Variants in CELF1 observed in about 807,000 individuals in gnomAD.
The protein encoded by CELF1 is 50 kDa nuclear polyadenylated RNA-binding protein.
In CELF1, 10 loss-of-function variants were observed where a neutral mutation model predicts 61.8. The ratio of observed to expected loss-of-function variants is 0.16; its 90% CI spans 0.10 to 0.27. The LOEUF (loss-of-function observed/expected upper bound fraction) is 0.27, where lower values mean the gene tolerates loss of function less well. Among genes scored for constraint, CELF1 ranks in the 10% least tolerant of loss-of-function variants. The probability of loss-of-function intolerance (pLI) is 1.00; values close to 1 mark genes in which losing one functional copy is unlikely to be tolerated. For missense variants in CELF1, 380 were observed against 639.1 expected, an observed-to-expected ratio of 0.59 and a Z score of 4.37; for synonymous variants, 236 against 225.1, an observed-to-expected ratio of 1.05 and a Z score of -0.43.
At chr11:47,552,692 G>A (rs568273202) in intron 1 of CELF1, among the ~76,000 whole-genome samples, 14 of 152,354 alleles carry the variant, frequency 9.2e-5, no homozygotes, top group African/African-American at 3.4e-4. Flanking sequence ...AGGCCTCTGA[G>A]CCTAGAGAGT....
intron 2 of CELF1, among the ~76,000 whole-genome samples, chr11:47,560,062 G>A (rs1242820655): frequency 6.6e-6 from 1 of 151,952 alleles, no homozygotes; most frequent in Non-Finnish European, 1.5e-5. Flanking sequence ...CACTTTGGGA[G>A]GCTGAGTCAG....
chr11:47,547,669 C>CA (rs1169198313), intron 1 of CELF1, among the ~76,000 whole-genome samples: 1,501 of 60,890 alleles, frequency 0.025, 20 homozygotes, highest in Middle Eastern at 0.062. Context: ...AACTCCATCT[C>CA]AAAAAAAAAA....
intron 1 of CELF1, among the ~76,000 whole-genome samples, chr11:47,541,763 AAAGAACGAAAGAAAGAACG>A (rs2096799880): frequency 3.2e-3 from 41 of 12,814 alleles, no homozygotes; most frequent in African/African-American, 5.3e-3. Flanking sequence ...AGAACGAAAG[AAAGAACGAAAGAAAGAACG>A]AAAGAAAGAA....
chr11:47,550,484 A>C (rs1003562477), intron 1 of CELF1, among the ~76,000 whole-genome samples: 1 of 152,136 alleles, frequency 6.6e-6, no homozygotes, highest in East Asian at 1.9e-4. Flanking sequence ...TGAGCACTCC[A>C]GTATGGTTGA....
chr11:47,473,682 G>A (rs532822078), intron 13 of CELF1, among the ~76,000 whole-genome samples: 35 of 152,314 alleles, frequency 2.3e-4, no homozygotes, highest in African/African-American at 8.2e-4. Context: ...GGGCACGAGG[G>A]AATTTCTAGG....
intron 1 of CELF1, among the ~76,000 whole-genome samples, chr11:47,513,032 G>A (rs2095323262): frequency 6.6e-6 from 1 of 152,188 alleles, no homozygotes; most frequent in Non-Finnish European, 1.5e-5. Context: ...ACCATTCTTA[G>A]AATGGTCCCC....
chr11:47,482,579 A>G (rs1463961583), intron 9 of CELF1, 116 bp downstream of exon 9: 2 of 958,882 alleles, frequency 2.1e-6, no homozygotes, highest in African/African-American at 1.6e-5. Context: ...ATTTTTACAT[A>G]TAATTTCTAT....
chr11:47,537,468 C>T (rs1014047811), intron 1 of CELF1, among the ~76,000 whole-genome samples: 9 of 151,830 alleles, frequency 5.9e-5, no homozygotes, highest in African/African-American at 1.9e-4. Context: ...AGGATGGTCT[C>T]GATCTCCTGA....
chr11:47,507,711 A>C (rs2094627239), intron 1 of CELF1, among the ~76,000 whole-genome samples: 1 of 152,202 alleles, frequency 6.6e-6, no homozygotes, highest in African/African-American at 2.4e-5. Context: ...AAAGTACAAG[A>C]ATTCTGAAAG....
chr11:47,485,689 C>T (rs1393388984), intron 6 of CELF1, among the ~76,000 whole-genome samples: 1 of 151,660 alleles, frequency 6.6e-6, no homozygotes, highest in Non-Finnish European at 1.5e-5. Flanking sequence ...CCAAGCGATT[C>T]TCCTGTCTCA....
At chr11:47,490,055 C>T (rs528355398) in intron 3 of CELF1, among the ~76,000 whole-genome samples, 10 of 149,370 alleles carry the variant, frequency 6.7e-5, no homozygotes, top group African/African-American at 2.0e-4. Context: ...TCTCCTGCCT[C>T]AGCCTCCCAA....
At chr11:47,486,456 C>T (rs1003067543) in intron 6 of CELF1, among the ~76,000 whole-genome samples, 3 of 151,584 alleles carry the variant, frequency 2.0e-5, no homozygotes, top group African/African-American at 2.4e-5. Flanking sequence ...GTTGCCTGGG[C>T]GGGAGTACAC....
At chr11:47,551,343 T>C (rs2097132618) in intron 1 of CELF1, among the ~76,000 whole-genome samples, 1 of 152,204 alleles carries the variant, frequency 6.6e-6, no homozygotes, top group Admixed American at 6.5e-5. Flanking sequence ...ATAACCTTCC[T>C]GGTTAAAGCA....
intron 1 of CELF1, among the ~76,000 whole-genome samples, chr11:47,501,686 G>C (rs1323366812): frequency 6.6e-6 from 1 of 152,204 alleles, no homozygotes; most frequent in East Asian, 1.9e-4. Flanking sequence ...AGCTGGGCGA[G>C]GTGGCACACG....
intron 10 of CELF1, chr11:47,477,804 G>A (rs75560668): frequency 2.1e-4 from 39 of 185,172 alleles, no homozygotes; most frequent in Admixed American, 6.5e-4. Context: ...CAGGGGATTC[G>A]CTCTCTGTAA....
intron 9 of CELF1, among the ~76,000 whole-genome samples, chr11:47,481,845 C>A (rs2083436672): frequency 6.6e-6 from 1 of 152,210 alleles, no homozygotes; most frequent in African/African-American, 2.4e-5. Context: ...TAAAGGAAGT[C>A]TATTTACAAT....
At chr11:47,515,402 T>C (rs1193477037) in intron 1 of CELF1, among the ~76,000 whole-genome samples, 1 of 152,206 alleles carries the variant, frequency 6.6e-6, no homozygotes, top group African/African-American at 2.4e-5. Flanking sequence ...CATGATCACT[T>C]GCTCAAATCT....
intron 11 of CELF1, 38 bp from the exon 12 acceptor site, chr11:47,476,997 T>C (rs1701576548): frequency 6.5e-7 from 1 of 1,527,474 alleles, no homozygotes; most frequent in Non-Finnish European, 9.1e-7. Flanking sequence ...AACCCATCAC[T>C]GGCATTCTCG....
intron 1 of CELF1, among the ~76,000 whole-genome samples, chr11:47,535,685 A>C (rs962019947): frequency 6.6e-6 from 1 of 150,608 alleles, no homozygotes; most frequent in Non-Finnish European, 1.5e-5. Flanking sequence ...ATCTCAAAAA[A>C]AAAAAAAAAA....
Sources: allele counts gnomAD v4.1 joint callset (sites outside exome capture counted in the v4.1 genomes callset), GRCh38; gene constraint gnomAD v4.1.1; transcripts MANE v1.5; gene names NCBI Gene and HGNC (gene_info 2026-07-23, HGNC 2026-07-21).